RELN: variants seen among roughly 807,000 people sequenced by gnomAD.
RELN encodes reelin.
A neutral mutation model predicts 427.6 loss-of-function variants in RELN; 108 were observed. That is an observed-to-expected ratio of 0.25 (90% confidence interval 0.22 to 0.30). RELN has a LOEUF of 0.30. Among genes scored for constraint, RELN ranks in the 10% least tolerant of loss-of-function variants. The pLI, the probability that RELN is intolerant of heterozygous loss-of-function variation, is 1.00. For synonymous variants in RELN, 1,524 were observed against 1,513.4 expected (o/e 1.01, Z -0.16); for missense variants, 3,715 against 4,302.8 (o/e 0.86, Z 3.82).
At chr7:103,881,617 CTTGTCCTCTGTAT>C (rs540447657) in intron 2 of RELN, among the ~76,000 whole-genome samples, 2 of 152,210 alleles carry the variant, frequency 1.3e-5, no homozygotes, top group South Asian at 4.2e-4. Flanking sequence ...CCTCCCTTCA[CTTGTCCTCTGTAT>C]TTGTCCTTCA....
chr7:103,690,325 A>G (rs765018180), intron 10 of RELN, among the ~76,000 whole-genome samples: 3 of 152,062 alleles, frequency 2.0e-5, no homozygotes, highest in Admixed American at 6.6e-5. Context: ...TGACGGTAAA[A>G]CCAAGGCCAT....
At chr7:103,669,643 T>C (rs980153499) in intron 11 of RELN, among the ~76,000 whole-genome samples, 3 of 151,912 alleles carry the variant, frequency 2.0e-5, no homozygotes, top group Non-Finnish European at 4.4e-5. Context: ...TTGAGACCAG[T>C]AGTGGTTATT....
rs776476510 is a variant in RELN at position 103,472,934 on chromosome 7, CAGGGA to C, written c.10287-31_10287-27del. 6.4e-5 allele frequency: 101 copies of C among 1,567,688 alleles called. 1 individual carries two copies. In the Middle Eastern group the frequency reaches 2.3e-3, roughly 36 times the overall value. On this transcript the variant is annotated intron_variant, in intron 64 of 64. Transcript: ENST00000428762. The stretch of plus-strand genomic sequence containing the variant: ...CTGTTAAAATCAAACAGGATAGAGG[CAGGGA>C]AGGAAAGGAAAAAGAGCATGTAAGT...
intron 24 of RELN, among the ~76,000 whole-genome samples, chr7:103,600,933 G>A (rs969701468): frequency 3.3e-5 from 5 of 151,950 alleles, no homozygotes; most frequent in African/African-American, 9.7e-5. Context: ...TACTTGCATC[G>A]ACTTACTTAT....
At chr7:103,536,717 T>C (rs1225607132) in intron 45 of RELN, among the ~76,000 whole-genome samples, 1 of 152,272 alleles carries the variant, frequency 6.6e-6, no homozygotes. Context: ...CTGTCTTTTA[T>C]TCTGACTCCT....
At chr7:103,759,989 ACTTTTTTTTTTTTTT>A (rs1791256001) in intron 4 of RELN, among the ~76,000 whole-genome samples, 1 of 85,160 alleles carries the variant, frequency 1.2e-5, no homozygotes, top group South Asian at 4.1e-4. Flanking sequence ...TCACAGTCAT[ACTTTTTTTTTTTTTT>A]TTTTTTTTTT....
At chr7:103,915,333 C>G (rs1441280637) in intron 2 of RELN, among the ~76,000 whole-genome samples, 1 of 152,182 alleles carries the variant, frequency 6.6e-6, no homozygotes, top group African/African-American at 2.4e-5. Flanking sequence ...TTTCCCAGCA[C>G]TCAGTACACT....
intron 2 of RELN, among the ~76,000 whole-genome samples, chr7:103,915,995 A>G (rs1303240846): frequency 6.6e-6 from 1 of 152,214 alleles, no homozygotes; most frequent in Admixed American, 6.5e-5. Flanking sequence ...GTAGTTACCA[A>G]CAGACTGTGA....
intron 6 of RELN, among the ~76,000 whole-genome samples, chr7:103,737,401 A>G (rs557056170): frequency 6.6e-6 from 1 of 152,292 alleles, no homozygotes; most frequent in African/African-American, 2.4e-5. Context: ...TACCTAGAAA[A>G]TCCACTTATA....
chr7:103,605,144 T>C (rs1009606520), intron 22 of RELN, among the ~76,000 whole-genome samples: 9 of 152,156 alleles, frequency 5.9e-5, no homozygotes, highest in African/African-American at 9.6e-5. Context: ...GAGCCTTTTA[T>C]AGACAAAAAT....
chr7:103,486,211 A>C lies in RELN; in HGVS notation c.9969T>G (p.Asp3323Glu). The C allele has an allele frequency of 6.2e-7, 1 of 1,613,634 alleles. No homozygotes were observed. Among genetic ancestry groups the C allele is most frequent in the Non-Finnish European group, 8.5e-7 (1 of 1,180,022 alleles). The change falls in exon 61 of 65, where the codon GAT becomes GAG. Residue 3323 changes from aspartate to glutamate, a missense_variant. By Grantham distance (45) the Asp-to-Glu change is conservative (BLOSUM62 2). Coordinates refer to ENST00000428762, the MANE Select transcript of RELN (RefSeq NM_005045.4). ...QIRQAATKPL[D>E]LTRASKIMFV... ...GGTTTGGGTACCTTGCTCGAGTGAG[A>C]TCCAGAGGCTTGGTAGCTGCTTGCC...
chr7:103,865,195 T>C (rs1794170121), intron 2 of RELN, among the ~76,000 whole-genome samples: 1 of 141,262 alleles, frequency 7.1e-6, no homozygotes, highest in African/African-American at 2.6e-5. Context: ...GCTACCACGA[T>C]TGAATCATGA....
At chr7:103,661,270 A>G (rs1833133183) in intron 12 of RELN, 106 bp downstream of exon 12, 1 of 1,280,720 alleles carries the variant, frequency 7.8e-7, no homozygotes, top group Admixed American at 1.7e-5. Flanking sequence ...ACGTTTCATG[A>G]ATTTTCATTT....
rs529345329 is a variant in RELN at position 103,828,664 on chromosome 7, T to A, written c.473+4873A>T. ...ACACATTCCCCACATGAAATCCCCT[T>A]GTGATGAAGGATAGGATATGATCAA... On this transcript the variant is annotated intron_variant, in intron 3 of 64. Transcript: ENST00000428762. Among the ~76,000 whole-genome samples the A allele has an allele frequency of 2.6e-5, 4 of 152,072 alleles. No homozygotes were observed. The South Asian group carries it at 8.3e-4, about 31-fold the overall frequency.
In RELN at chr7:103,511,245, GAA is replaced by G. The variant is rs905878422; in HGVS notation, c.8120-242_8120-241del. ...CAACCATAGATATTAGTCTACACATGAAAAAAAGTATATTGTACACATTGTAA... is the reference window on the plus strand; with the variant it reads ...CAACCATAGATATTAGTCTACACATGAAAAAGTATATTGTACACATTGTAA... On this transcript the variant is annotated intron_variant, in intron 50 of 64. Transcript: ENST00000428762. Among the ~76,000 whole-genome samples the G allele has an allele frequency of 2.6e-5, 4 of 151,758 alleles. 1 individual carries two copies. The South Asian group carries it at 8.3e-4, about 31-fold the overall frequency.
At chr7:103,624,087 G>C (rs1263826385) in intron 20 of RELN, among the ~76,000 whole-genome samples, 1 of 152,126 alleles carries the variant, frequency 6.6e-6, no homozygotes, top group Non-Finnish European at 1.5e-5. Context: ...TTTAACTTAT[G>C]AGATAAACAG....
chr7:103,738,405 T>A (rs766779251), intron 6 of RELN, among the ~76,000 whole-genome samples: 1 of 151,998 alleles, frequency 6.6e-6, no homozygotes, highest in African/African-American at 2.4e-5. Context: ...GCCTTTCTTC[T>A]TATTGAAATT....
At position 103,688,184 on chromosome 7, in the gene RELN, G is replaced by A. The variant is rs997857596; in HGVS notation, c.1144-5923C>T. Among the ~76,000 whole-genome samples, 6 of 152,178 alleles carry A rather than the reference G, an allele frequency of 3.9e-5. No individual in the cohort carries two copies. The East Asian group carries it at 9.7e-4, about 25-fold the overall frequency. ...GCTGGAATCTGGCCAGGAAATCATA[G>A]TTAACATTCTGATTCTTAATGAAAA... is the stretch of plus-strand genomic sequence containing the variant. On this transcript the variant is annotated intron_variant, in intron 10 of 64. Transcript: ENST00000428762.
chr7:103,860,775 T>C (rs2116492353), intron 2 of RELN, among the ~76,000 whole-genome samples: 1 of 152,260 alleles, frequency 6.6e-6, no homozygotes, highest in South Asian at 2.1e-4. Flanking sequence ...AACTTAGCAA[T>C]GTATTATCAT....
Sources: allele counts gnomAD v4.1 joint callset (sites outside exome capture counted in the v4.1 genomes callset), GRCh38; gene constraint gnomAD v4.1.1; transcripts MANE v1.5; gene names NCBI Gene and HGNC (gene_info 2026-07-23, HGNC 2026-07-21).